Variants in QKI observed in about 807,000 individuals in gnomAD.
QKI encodes the protein QKI, KH domain containing RNA binding, also known as KH domain-containing RNA-binding protein QKI.
A neutral mutation model predicts 39.0 loss-of-function variants in QKI; 10 were observed. The ratio of observed to expected loss-of-function variants is 0.26; its 90% CI spans 0.16 to 0.43. The LOEUF (loss-of-function observed/expected upper bound fraction) is 0.43, where lower values mean the gene tolerates loss of function less well. Ranked by LOEUF, QKI falls within the 20% of genes least tolerant of loss-of-function variation. The probability of loss-of-function intolerance (pLI) is 1.00; values close to 1 mark genes in which losing one functional copy is unlikely to be tolerated. For missense variants in QKI, 218 were observed against 428.0 expected (o/e 0.51, Z 4.33); for synonymous variants, 204 against 155.4 (o/e 1.31, Z -2.33).
chr6:163,516,607 A>G (rs1160716393), intron 3 of QKI, among the ~76,000 whole-genome samples: 1 of 152,208 alleles, frequency 6.6e-6, no homozygotes, highest in Non-Finnish European at 1.5e-5. Context: ...ACTTCATTTT[A>G]AATTAAGCTT....
intron 1 of QKI, among the ~76,000 whole-genome samples, chr6:163,442,640 A>G (rs1050487701): frequency 6.6e-6 from 1 of 152,212 alleles, no homozygotes; most frequent in Non-Finnish European, 1.5e-5. Flanking sequence ...AGTATTTGCT[A>G]GTGGATGGAA....
At chr6:163,503,087 C>T (rs1055929864) in intron 3 of QKI, among the ~76,000 whole-genome samples, 1 of 149,984 alleles carries the variant, frequency 6.7e-6, no homozygotes, top group African/African-American at 2.5e-5. Flanking sequence ...ATTTGCATTT[C>T]TCTGATGATA....
At chr6:163,506,719 C>G (rs1779117267) in intron 3 of QKI, among the ~76,000 whole-genome samples, 1 of 152,142 alleles carries the variant, frequency 6.6e-6, no homozygotes. Context: ...TGCATAGTGC[C>G]TGGCACATTG....
At chr6:163,569,870 A>ACT in intron 7 of QKI, 1 of 987,522 alleles carries the variant, frequency 1.0e-6, no homozygotes, top group Non-Finnish European at 1.2e-6. Context: ...TTTTTGATGT[A>ACT]CTTAGAGCTT....
At chr6:163,466,101 T>C (rs1258035659) in intron 2 of QKI, among the ~76,000 whole-genome samples, 2 of 147,698 alleles carry the variant, frequency 1.4e-5, no homozygotes, top group Non-Finnish European at 3.0e-5. Context: ...CACTCCAGCC[T>C]GGGTGACAAG....
chr6:163,456,834 T>G (rs1214130256), intron 2 of QKI, among the ~76,000 whole-genome samples: 5 of 152,006 alleles, frequency 3.3e-5, no homozygotes, highest in African/African-American at 4.8e-5. Context: ...ATCTGAGAAC[T>G]TGAGCAGCAG....
rs1316013196 is a variant in QKI, at chr6:163,577,580, C to T, written c.*6870C>T. The T allele has an allele frequency of 6.6e-6, 1 of 152,234 alleles. No homozygotes were observed. 9.4% of individuals were successfully genotyped at this position (152,234 alleles called of 1,614,324 possible). On this transcript the variant is annotated 3_prime_UTR_variant, in exon 8 of 8. Transcript: ENST00000361752. ...CCAAGTATTCCCTGGTTAGTCGCCA[C>T]CCCACCACTCCTTCCTGTCTCTAGT... is the stretch of plus-strand genomic sequence containing the variant.
chr6:163,555,184 A>G (rs866257126), intron 4 of QKI, among the ~76,000 whole-genome samples: 2 of 152,150 alleles, frequency 1.3e-5, no homozygotes, highest in Admixed American at 6.5e-5. Flanking sequence ...CATTTTTTAA[A>G]ATATGTTGAG....
intron 2 of QKI, among the ~76,000 whole-genome samples, chr6:163,456,234 C>T (rs1790901538): frequency 6.6e-6 from 1 of 152,192 alleles, no homozygotes; most frequent in African/African-American, 2.4e-5. Flanking sequence ...TAGCTACTCA[C>T]TGTTTCACGT....
chr6:163,424,974 A>G (rs1272468783), intron 1 of QKI, among the ~76,000 whole-genome samples: 4 of 152,236 alleles, frequency 2.6e-5, no homozygotes, highest in Admixed American at 1.3e-4. Context: ...CGCTTATGAT[A>G]GGATAAACAA....
intron 1 of QKI, among the ~76,000 whole-genome samples, chr6:163,436,240 T>A (rs1050816778): frequency 3.3e-5 from 5 of 151,942 alleles, no homozygotes; most frequent in Non-Finnish European, 5.9e-5. Flanking sequence ...ACTACTGGGG[T>A]TTAAAGGTAA....
intron 4 of QKI, among the ~76,000 whole-genome samples, chr6:163,540,877 CT>C (rs1303270395): frequency 6.6e-6 from 1 of 151,272 alleles, no homozygotes; most frequent in Non-Finnish European, 1.5e-5. Context: ...CAAATATCTA[CT>C]TTTTTTTTCT....
At chr6:163,420,123 C>A (rs1008583595) in intron 1 of QKI, among the ~76,000 whole-genome samples, 1 of 141,382 alleles carries the variant, frequency 7.1e-6, no homozygotes, top group Non-Finnish European at 1.5e-5. Context: ...GGCCAATATA[C>A]TTAGACATGT....
chr6:163,514,362 G>C (rs930115381), intron 3 of QKI, among the ~76,000 whole-genome samples: 1 of 152,028 alleles, frequency 6.6e-6, no homozygotes, highest in Non-Finnish European at 1.5e-5. Context: ...TTTGAAAACT[G>C]ATAATAATTT....
At chr6:163,463,480 T>TG (rs1300364499) in intron 2 of QKI, among the ~76,000 whole-genome samples, 2 of 152,206 alleles carry the variant, frequency 1.3e-5, no homozygotes, top group Non-Finnish European at 1.5e-5. Flanking sequence ...ACGTAGTCCT[T>TG]GCACTCGTGA....
In QKI at chr6:163,570,702, G is replaced by T. The variant is rs780832526; in HGVS notation, c.1018G>T (p.Gly340Cys). The change falls in exon 8 of 8, where the codon GGC becomes TGC. Residue 340 changes from glycine to cysteine, a missense_variant. Transcript: ENST00000361752. ...TGTTTCTAACCACCCAGCCGCCACCGGCAACTAACCTATGACCTTCTGACC... is the reference window on the plus strand; with the variant it reads ...TGTTTCTAACCACCCAGCCGCCACCTGCAACTAACCTATGACCTTCTGACC... ...RIVTADRAAT[G>C]N is the part of the protein sequence containing the mutation. The T allele has an allele frequency of 6.2e-7, 1 of 1,609,812 alleles. No individual in the cohort carries two copies. Among genetic ancestry groups the T allele is most frequent in the Non-Finnish European group, 8.5e-7 (1 of 1,178,864 alleles).
At chr6:163,524,371 AC>A (rs1348076533) in intron 3 of QKI, among the ~76,000 whole-genome samples, 1 of 152,200 alleles carries the variant, frequency 6.6e-6, no homozygotes, top group Non-Finnish European at 1.5e-5. Context: ...TTCTGAAAAT[AC>A]ATTTCCAATT....
chr6:163,449,146 A>G (rs535425321), intron 1 of QKI, among the ~76,000 whole-genome samples: 30 of 152,300 alleles, frequency 2.0e-4, no homozygotes, highest in South Asian at 1.2e-3. Flanking sequence ...ATGTCTAGCA[A>G]GAGGTAGGGA....
At chr6:163,431,812 A>AC (rs1029298525) in intron 1 of QKI, among the ~76,000 whole-genome samples, 2 of 134,042 alleles carry the variant, frequency 1.5e-5, no homozygotes, top group East Asian at 2.2e-4. Context: ...AAAAAAAAAA[A>AC]ACAAAAAACT....
Sources: allele counts gnomAD v4.1 joint callset (sites outside exome capture counted in the v4.1 genomes callset), GRCh38; gene constraint gnomAD v4.1.1; transcripts MANE v1.5; gene names NCBI Gene and HGNC (gene_info 2026-07-23, HGNC 2026-07-21).